Variants in KIF5B observed in about 807,000 individuals in gnomAD.
The protein encoded by KIF5B is kinesin-1 heavy chain.
KIF5B carries 49 observed loss-of-function variants against 132.8 expected under a neutral mutation model. The observed-to-expected ratio is 0.37, with a 90% CI of 0.29 to 0.47. The LOEUF is 0.47. Ranked by LOEUF, KIF5B falls within the 20% of genes least tolerant of loss-of-function variation. The pLI is 1.00. For missense variants in KIF5B, 780 were observed against 1,144.0 expected (o/e 0.68, Z 4.59); for synonymous variants, 355 against 369.4 (o/e 0.96, Z 0.45).
In KIF5B at chr10:32,038,838, AT is replaced by A; in HGVS notation, c.394-13del. 1 of 1,479,376 alleles carries A rather than the reference AT, an allele frequency of 6.8e-7. No homozygotes were observed. The highest frequency in any genetic ancestry group is 1.2e-5 in the South Asian group (1 of 85,838). The allele number at this position is 1,479,376 out of a possible 1,614,324, so 91.6% of individuals were successfully genotyped here. A position where few individuals can be genotyped will look rare whatever the true frequency, so the allele number is the denominator to read the frequency against. ...TCAAAATATGAAACCTAAAGGGCAA[AT>A]TTAAAAAAACACCGATCAACTAAAG... On this transcript the variant is annotated splice_polypyrimidine_tract_variant and intron_variant, in intron 4 of 25. Transcript: ENST00000302418.
In KIF5B at chr10:32,017,114, G is replaced by A. The variant is rs185827283; in HGVS notation, c.2761+29C>T. The A allele has an allele frequency of 2.5e-5, 39 of 1,561,792 alleles. No individual in the cohort carries two copies. The East Asian group carries it at 7.8e-4, about 31-fold the overall frequency. ...AATGAAAGCATTCAAATTGAGCAAG[G>A]TTTAAAGGTTTTAATGTGTTCTACT... On this transcript the variant is annotated intron_variant, in intron 24 of 25. Transcript: ENST00000302418.
chr10:32,035,511 TAAC>T lies in KIF5B; in HGVS notation c.962+8_962+10del. 6 of 1,598,628 alleles carry T rather than the reference TAAC, an allele frequency of 3.8e-6. No homozygotes were observed. The highest frequency in any genetic ancestry group is 4.3e-6 in the Non-Finnish European group (5 of 1,174,870). Reference sequence around the variant, plus strand: ...TCTAAATTTAGGTTTTGTACTTTCTTAACAACAAACCTTTGGCCAAATAAGAGT... The same window carrying T: ...TCTAAATTTAGGTTTTGTACTTTCTTAACAAACCTTTGGCCAAATAAGAGT... On this transcript the variant is annotated splice_region_variant and intron_variant, in intron 10 of 25. Transcript: ENST00000302418.
intron 14 of KIF5B, among the ~76,000 whole-genome samples, chr10:32,030,774 G>C (rs1004049581): frequency 2.0e-5 from 3 of 151,850 alleles, no homozygotes; most frequent in African/African-American, 7.3e-5. Flanking sequence ...TTTAACATTA[G>C]TAGTAACATT....
At chr10:32,013,465 T>C (rs1841112781) in intron 25 of KIF5B, among the ~76,000 whole-genome samples, 1 of 152,196 alleles carries the variant, frequency 6.6e-6, no homozygotes, top group Non-Finnish European at 1.5e-5. Flanking sequence ...TCAAGATAAC[T>C]GGGCCTACTC....
In KIF5B at chr10:32,049,446, T is replaced by C. The variant is rs190845125; in HGVS notation, c.127-895A>G. On this transcript the variant is annotated intron_variant, in intron 1 of 25. Coordinates refer to ENST00000302418, the MANE Select transcript of KIF5B (RefSeq NM_004521.3). ...TCATCACTCTCCCCAGTATTAGTCA[T>C]GAAGGGTGAAAAAGGTTTCGTGTAG... Among the ~76,000 whole-genome samples the C allele has an allele frequency of 2.6e-5, 4 of 152,272 alleles. No homozygotes were observed. In the East Asian group the frequency reaches 7.7e-4, roughly 29 times the overall value.
At position 32,009,366 on chromosome 10, in the gene KIF5B, T is replaced by C. The variant is rs1841037851; in HGVS notation, c.*2171A>G. On this transcript the variant is annotated 3_prime_UTR_variant, in exon 26 of 26. Transcript: ENST00000302418. ...TATCCAGTCAAAAAGACACTGCAAA[T>C]TGAAATGTGTCAATATCCTAGATGA... The C allele has an allele frequency of 6.6e-6, 1 of 152,182 alleles. No individual in the cohort carries two copies. The highest frequency in any genetic ancestry group is 2.1e-4 in the South Asian group (1 of 4,830). 9.4% of individuals were successfully genotyped at this position (152,182 alleles called of 1,614,324 possible).
rs754318118 is a variant in KIF5B at position 32,044,053 on chromosome 10, C to CA, written c.215-3597_215-3596insT. Among the ~76,000 whole-genome samples, 9 of 152,314 alleles carry CA rather than the reference C, an allele frequency of 5.9e-5. No individual in the cohort carries two copies. The South Asian group carries it at 1.9e-3, about 32-fold the overall frequency. Reference sequence around the variant, plus strand: ...CTCCCTAGGTACCCACGACCTACCCCTACGCCATCTTTCTCCTTAAATATG... The same window carrying CA: ...CTCCCTAGGTACCCACGACCTACCCCATACGCCATCTTTCTCCTTAAATATG... On this transcript the variant is annotated intron_variant, in intron 2 of 25. Transcript: ENST00000302418.
intron 15 of KIF5B, among the ~76,000 whole-genome samples, chr10:32,025,954 G>T (rs1436800379): frequency 6.6e-6 from 1 of 152,178 alleles, no homozygotes. Flanking sequence ...AAACATCAGT[G>T]GTTGCCAGAA....
At chr10:32,034,509 T>C (rs1841440166) in intron 11 of KIF5B, among the ~76,000 whole-genome samples, 181 bp downstream of exon 11, 1 of 152,208 alleles carries the variant, frequency 6.6e-6, no homozygotes, top group Admixed American at 6.5e-5. Flanking sequence ...TGATGGTCTC[T>C]TGCATTTTGC....
chr10:32,049,183 T>C (rs1336706596), intron 1 of KIF5B, among the ~76,000 whole-genome samples: 10 of 152,252 alleles, frequency 6.6e-5, no homozygotes, highest in Non-Finnish European at 1.2e-4. Flanking sequence ...GAATGTGAGA[T>C]GACATGCTAG....
At chr10:32,044,543 A>T (rs999334325) in intron 2 of KIF5B, among the ~76,000 whole-genome samples, 5 of 152,148 alleles carry the variant, frequency 3.3e-5, no homozygotes, top group Admixed American at 6.5e-5. Context: ...GTGGTGGCGC[A>T]TGCCCGTAAT....
Position 32,009,923 on chromosome 10 carries a change from A to ACC in KIF5B, c.*1613_*1614insGG, listed in dbSNP as rs1841051388. 1 of 152,112 alleles carries ACC rather than the reference A, an allele frequency of 6.6e-6. No individual in the cohort carries two copies. The highest frequency in any genetic ancestry group is 1.5e-5 in the Non-Finnish European group (1 of 67,994). The allele number at this position is 152,112 out of a possible 1,614,324, so 9.4% of individuals were successfully genotyped here. ...TTAGAGGTTGCAGACTACAACAGCA[A>ACC]AGATTTTTGACTATTAAAAAAATAA... On this transcript the variant is annotated 3_prime_UTR_variant, in exon 26 of 26. Transcript: ENST00000302418.
At chr10:32,020,230 T>A (rs1452446685) in intron 19 of KIF5B, among the ~76,000 whole-genome samples, 1 of 152,180 alleles carries the variant, frequency 6.6e-6, no homozygotes, top group African/African-American at 2.4e-5. Flanking sequence ...TAGTAAGACC[T>A]ACGCCCCAAA....
At chr10:32,043,907 A>G (rs1170540631) in intron 2 of KIF5B, among the ~76,000 whole-genome samples, 3 of 152,158 alleles carry the variant, frequency 2.0e-5, no homozygotes, top group Non-Finnish European at 4.4e-5. Context: ...CAGCTGGCCC[A>G]TCATTCTGCT....
intron 25 of KIF5B, among the ~76,000 whole-genome samples, 163 bp downstream of exon 25, chr10:32,015,346 T>G (rs188811574): frequency 6.6e-6 from 1 of 152,200 alleles, no homozygotes; most frequent in Non-Finnish European, 1.5e-5. Flanking sequence ...TTTGAATATA[T>G]AGTATGATCT....
intron 10 of KIF5B, 144 bp downstream of exon 10, chr10:32,035,378 C>G: frequency 1.7e-6 from 1 of 602,046 alleles, no homozygotes; most frequent in Non-Finnish European, 2.7e-6. Flanking sequence ...TCAGACCCAC[C>G]TTGTATTATC....
chr10:32,023,061 A>C, intron 15 of KIF5B, 25 bp from the exon 16 acceptor site: 1 of 1,433,918 alleles, frequency 7.0e-7, no homozygotes, highest in South Asian at 1.5e-5. Flanking sequence ...TAAAATAAAA[A>C]ATTAAAGCCA....
At chr10:32,051,865 A>T (rs1293628430) in intron 1 of KIF5B, among the ~76,000 whole-genome samples, 1 of 152,210 alleles carries the variant, frequency 6.6e-6, no homozygotes, top group African/African-American at 2.4e-5. Context: ...AAATAAATTA[A>T]AGAAAAACTC....
chr10:32,026,535 C>CTT lies in KIF5B; in HGVS notation c.1725+1891_1725+1892dup, dbSNP rs11403552. 2.1e-3 allele frequency among the ~76,000 whole-genome samples: 285 copies of CTT among 136,092 alleles called. 1 individual carries two copies. Among genetic ancestry groups the CTT allele is most frequent in the African/African-American group, 4.5e-3 (165 of 36,908 alleles). 89.3% of individuals were successfully genotyped at this position (136,092 alleles called of 152,430 possible). Reference sequence around the variant, plus strand: ...GTTAATGACAAAAATACTGAGGATCCTTTTTTTTTTTTAATTAGAATAACT... The same window carrying CTT: ...GTTAATGACAAAAATACTGAGGATCCTTTTTTTTTTTTTTAATTAGAATAACT... On this transcript the variant is annotated intron_variant, in intron 15 of 25. Coordinates refer to ENST00000302418, the MANE Select transcript of KIF5B (RefSeq NM_004521.3).
Sources: gnomAD v4.1 joint callset for allele counts (sites outside exome capture counted in the v4.1 genomes callset) on GRCh38, gnomAD v4.1.1 for gene constraint, MANE v1.5 for transcripts, NCBI Gene and HGNC (gene_info 2026-07-23, HGNC 2026-07-21) for gene names.